Variants in VEPH1 observed in about 807,000 individuals in gnomAD.
The protein encoded by VEPH1 is ventricular zone-expressed PH domain-containing protein homolog 1.
A neutral mutation model predicts 85.2 loss-of-function variants in VEPH1; 80 were observed. That is an observed-to-expected ratio of 0.94 (90% CI 0.78 to 1.13). The LOEUF (loss-of-function observed/expected upper bound fraction) is 1.13. Among genes scored for constraint, VEPH1 ranks in the 50% most tolerant of loss-of-function variants. VEPH1 has a pLI of 0.00. For synonymous variants in VEPH1, 297 were observed against 348.0 expected, an observed-to-expected ratio of 0.85 and a Z score of 1.63; for missense variants, 955 against 980.5, an observed-to-expected ratio of 0.97 and a Z score of 0.35.
chr3:157,468,649 G>C (rs1396285521), intron 3 of VEPH1, among the ~76,000 whole-genome samples: 2 of 152,016 alleles, frequency 1.3e-5, no homozygotes, highest in African/African-American at 4.8e-5. Flanking sequence ...TTGCTATATT[G>C]ATTGCATGTT....
intron 2 of VEPH1, among the ~76,000 whole-genome samples, chr3:157,472,685 T>C (rs1351874700): frequency 6.6e-6 from 1 of 152,198 alleles, no homozygotes; most frequent in Non-Finnish European, 1.5e-5. Flanking sequence ...ATCTAACCAC[T>C]GATAGGCCCC....
intron 7 of VEPH1, among the ~76,000 whole-genome samples, chr3:157,374,761 CT>C (rs1226978654): frequency 1.3e-5 from 2 of 152,162 alleles, no homozygotes; most frequent in African/African-American, 4.8e-5. Flanking sequence ...TGAATGCCAG[CT>C]TTCAATGGGA....
At chr3:157,407,215 C>A (rs553333154) in intron 6 of VEPH1, among the ~76,000 whole-genome samples, 1 of 152,170 alleles carries the variant, frequency 6.6e-6, no homozygotes, top group East Asian at 1.9e-4. Flanking sequence ...GAAACATCAA[C>A]CTAGTTTGGG....
chr3:157,432,840 C>T (rs928316665), intron 4 of VEPH1, among the ~76,000 whole-genome samples: 6 of 152,128 alleles, frequency 3.9e-5, no homozygotes, highest in Non-Finnish European at 7.4e-5. Flanking sequence ...TTTGGCATAA[C>T]TGACATCTTC....
chr3:157,369,193 A>AAAAAAAAAAAAAAAAAAAAAAAAAAAAAC (rs1553773125), intron 7 of VEPH1, among the ~76,000 whole-genome samples: 1 of 140,568 alleles, frequency 7.1e-6, no homozygotes, highest in Non-Finnish European at 1.6e-5. Context: ...AAAAAAAAAA[A>AAAAAAAAAAAAAAAAAAAAAAAAAAAAAC]AAAAAAAAAA....
At chr3:157,398,405 G>A (rs1321320547) in intron 6 of VEPH1, among the ~76,000 whole-genome samples, 1 of 152,186 alleles carries the variant, frequency 6.6e-6, no homozygotes, top group Non-Finnish European at 1.5e-5. Context: ...GGAGGCCGAG[G>A]CGTGTGGATC....
chr3:157,492,159 G>A lies in VEPH1; in HGVS notation c.138+3053C>T, dbSNP rs149798891. On this transcript the variant is annotated intron_variant, in intron 2 of 13. Coordinates refer to ENST00000362010, the MANE Select transcript of VEPH1 (RefSeq NM_001167912.2). ...TCTTTTGATGGGTGACTTTGCAGGT[G>A]AGTTAGATGTAATCTCAGGGAGGAA... Among the ~76,000 whole-genome samples, 92 of 152,294 alleles carry A rather than the reference G, an allele frequency of 6.0e-4. 2 individuals carry two copies. The highest frequency in any genetic ancestry group is 2.0e-3 in the African/African-American group (82 of 41,576).
rs567246089 is a variant in VEPH1, at chr3:157,345,086, C to T, written c.1735+18278G>A. ...AACCATAAAAACCCTAGAAGAAAAC[C>T]TAGGCAATACCATTCAGGACATAGG... On this transcript the variant is annotated intron_variant, in intron 9 of 13. Coordinates refer to ENST00000362010, the MANE Select transcript of VEPH1 (RefSeq NM_001167912.2). Among the ~76,000 whole-genome samples, 8 of 152,260 alleles carry T rather than the reference C, an allele frequency of 5.3e-5. No homozygotes were observed. The East Asian group carries it at 1.3e-3, about 26-fold the overall frequency.
intron 7 of VEPH1, among the ~76,000 whole-genome samples, chr3:157,367,239 G>A (rs1215224738): frequency 1.3e-5 from 2 of 152,170 alleles, no homozygotes; most frequent in East Asian, 1.9e-4. Flanking sequence ...ATAGAGGCTA[G>A]GCTTGAAAAT....
intron 11 of VEPH1, among the ~76,000 whole-genome samples, chr3:157,303,089 ATGTGT>A (rs1719020572): frequency 6.6e-6 from 1 of 152,190 alleles, no homozygotes; most frequent in East Asian, 1.9e-4. Context: ...TTTTGATGAG[ATGTGT>A]GACTTACATT....
intron 4 of VEPH1, chr3:157,442,360 C>T: frequency 6.3e-7 from 1 of 1,598,062 alleles, no homozygotes; most frequent in East Asian, 2.2e-5. Context: ...TTTCTTGCTA[C>T]TCTAGGTTGT....
rs749528925 is a variant in VEPH1 at position 157,364,530 on chromosome 3, A to G, written c.1128-18T>C. The stretch of plus-strand genomic sequence containing the variant: ...TTTTTCTCCTAAAGGAATATAAATC[A>G]TTGCATTAGATGCAGGTCATATATA... On this transcript the variant is annotated intron_variant, in intron 7 of 13. Coordinates refer to ENST00000362010, the MANE Select transcript of VEPH1 (RefSeq NM_001167912.2). 2 of 1,604,766 alleles carry G rather than the reference A, an allele frequency of 1.2e-6. No homozygotes were observed. Among genetic ancestry groups the G allele is most frequent in the Non-Finnish European group, 1.7e-6 (2 of 1,172,704 alleles).
intron 9 of VEPH1, among the ~76,000 whole-genome samples, chr3:157,331,708 C>A (rs1722524920): frequency 6.6e-6 from 1 of 152,142 alleles, no homozygotes; most frequent in Admixed American, 6.5e-5. Context: ...CAATGATAAT[C>A]AGGCAAATAA....
At chr3:157,303,167 G>GT (rs1719032378) in intron 11 of VEPH1, among the ~76,000 whole-genome samples, 1 of 151,832 alleles carries the variant, frequency 6.6e-6, no homozygotes, top group African/African-American at 2.4e-5. Flanking sequence ...TTTTGTTTTT[G>GT]TTTTTTTGTT....
chr3:157,290,852 T>G lies in VEPH1; in HGVS notation c.2011-4178A>C, dbSNP rs1023115680. Among the ~76,000 whole-genome samples, 14 of 152,280 alleles carry G rather than the reference T, an allele frequency of 9.2e-5. No individual in the cohort carries two copies. In the East Asian group the frequency reaches 2.5e-3, roughly 27 times the overall value. The stretch of plus-strand genomic sequence containing the variant: ...TAATGAGGGTAGGAATTTGGAAAAC[T>G]CTATAATAAGTCTAAGCCAGGCAGC... On this transcript the variant is annotated intron_variant, in intron 11 of 13. Coordinates refer to ENST00000362010, the MANE Select transcript of VEPH1 (RefSeq NM_001167912.2).
At chr3:157,483,920 T>A (rs576760945) in intron 2 of VEPH1, among the ~76,000 whole-genome samples, 5 of 152,242 alleles carry the variant, frequency 3.3e-5, no homozygotes, top group African/African-American at 1.2e-4. Context: ...TGAAAGTTAA[T>A]ATTTGAGAAA....
At chr3:157,365,991 T>C (rs370793698) in intron 7 of VEPH1, among the ~76,000 whole-genome samples, 2 of 152,162 alleles carry the variant, frequency 1.3e-5, no homozygotes, top group African/African-American at 4.8e-5. Flanking sequence ...TAGGGTAAGA[T>C]AGAGAATGGG....
intron 9 of VEPH1, among the ~76,000 whole-genome samples, chr3:157,334,796 T>C (rs551866921): frequency 1.1e-4 from 17 of 151,974 alleles, no homozygotes; most frequent in Non-Finnish European, 1.3e-4. Flanking sequence ...ATAAATAAAA[T>C]AGCGGGCACC....
chr3:157,488,566 C>G (rs1378984124), intron 2 of VEPH1, among the ~76,000 whole-genome samples: 1 of 143,882 alleles, frequency 7.0e-6, no homozygotes, highest in Admixed American at 7.3e-5. Context: ...CCTTCATCAT[C>G]TCCTTAACTT....
Sources: gnomAD v4.1 joint callset for allele counts (sites outside exome capture counted in the v4.1 genomes callset) on GRCh38, gnomAD v4.1.1 for gene constraint, MANE v1.5 for transcripts, NCBI Gene and HGNC (gene_info 2026-07-23, HGNC 2026-07-21) for gene names.